TBCB: variants seen among roughly 807,000 people sequenced by gnomAD.
TBCB encodes tubulin-folding cofactor B.
TBCB carries 18 observed loss-of-function variants against 29.2 expected under a neutral mutation model. That is an observed-to-expected ratio of 0.62 (90% CI 0.43 to 0.91). The LOEUF is 0.91. Ranked by LOEUF, TBCB falls within the 40% of genes least tolerant of loss-of-function variation. TBCB has a pLI of 0.00. For missense variants in TBCB, 336 were observed against 337.6 expected (o/e 1.00, Z 0.04); for synonymous variants, 172 against 137.8 (o/e 1.25, Z -1.74).
At chr19:36,125,147 C>T (rs1974117022) in intron 4 of TBCB, among the ~76,000 whole-genome samples, 1 of 152,198 alleles carries the variant, frequency 6.6e-6, no homozygotes, top group South Asian at 2.1e-4. Flanking sequence ...TCTGAAGCCT[C>T]TCTCTCTGGC....
At chr19:36,120,673 A>G (rs1453439095) in intron 2 of TBCB, 37 bp from the exon 3 acceptor site, 1 of 1,604,596 alleles carries the variant, frequency 6.2e-7, no homozygotes, top group Non-Finnish European at 8.5e-7. Flanking sequence ...CTCCCTGGCC[A>G]GACCCTGATC....
chr19:36,122,558 G>A (rs1355278190), intron 4 of TBCB, among the ~76,000 whole-genome samples: 1 of 121,588 alleles, frequency 8.2e-6, no homozygotes, highest in Non-Finnish European at 1.6e-5. Flanking sequence ...AACATAATGA[G>A]ACCCTGTCTC....
At chr19:36,118,221 T>C (rs1243021376) in intron 2 of TBCB, among the ~76,000 whole-genome samples, 2 of 152,130 alleles carry the variant, frequency 1.3e-5, no homozygotes, top group African/African-American at 4.8e-5. Flanking sequence ...TCTGAGAAGT[T>C]CTAGTGTATG....
In TBCB at chr19:36,116,036, C is replaced by T. The variant is rs745392814; in HGVS notation, c.115-5C>T. ...CCTTCTTCTCACCCTGCCTCCTCCT[C>T]ACAGTGTAAACTGGAGTTGCTGGTG... On this transcript the variant is annotated splice_region_variant and splice_polypyrimidine_tract_variant and intron_variant, in intron 1 of 5. Coordinates refer to ENST00000221855, the MANE Select transcript of TBCB (RefSeq NM_001281.3). The T allele has an allele frequency of 1.9e-6, 3 of 1,613,160 alleles. No homozygotes were observed. The highest frequency in any genetic ancestry group is 3.3e-5 in the Admixed American group (2 of 59,978).
chr19:36,124,656 G>C (rs908266062), intron 4 of TBCB, among the ~76,000 whole-genome samples: 6 of 152,104 alleles, frequency 3.9e-5, no homozygotes, highest in African/African-American at 1.4e-4. Flanking sequence ...CGGTTCTCCT[G>C]CCTCAGCCTC....
Position 36,125,895 on chromosome 19 carries a change from T to C in TBCB, c.*113T>C. 1.3e-6 allele frequency: 1 copy of C among 780,464 alleles called. No homozygotes were observed. Among genetic ancestry groups the C allele is most frequent in the Non-Finnish European group, 1.9e-6 (1 of 531,834 alleles). The allele number at this position is 780,464 out of a possible 1,614,324, so 48.3% of individuals were successfully genotyped here. A position where few individuals can be genotyped will look rare whatever the true frequency, so the allele number is the denominator to read the frequency against. The stretch of plus-strand genomic sequence containing the variant: ...ATTTTAATTTTATTCATTTTTTCCT[T>C]TGCCATTGATTTTTGAGACTCATGC... On this transcript the variant is annotated 3_prime_UTR_variant, in exon 6 of 6. Coordinates refer to ENST00000221855, the MANE Select transcript of TBCB (RefSeq NM_001281.3).
Position 36,115,525 on chromosome 19 carries a change from T to TGGACCGCGCTGCA in TBCB, c.-33_-21dup, listed in dbSNP as rs1568380920. On this transcript the variant is annotated 5_prime_UTR_variant, in exon 1 of 6. Transcript: ENST00000221855. ...GGCTGCGGAGCGGGTGTGAGGCGGC[T>TGGACCGCGCTGCA]GGACCGCGCTGCAGGCATCCGCAGG... 6.5e-7 allele frequency: 1 copy of TGGACCGCGCTGCA among 1,529,542 alleles called. No homozygotes were observed. Among genetic ancestry groups the TGGACCGCGCTGCA allele is most frequent in the African/African-American group, 1.4e-5 (1 of 72,588 alleles). 94.7% of individuals were successfully genotyped at this position (1,529,542 alleles called of 1,614,324 possible).
chr19:36,117,495 C>T (rs1027520173), intron 2 of TBCB, among the ~76,000 whole-genome samples: 1 of 152,020 alleles, frequency 6.6e-6, no homozygotes, highest in South Asian at 2.1e-4. Context: ...CAGGTGTGCA[C>T]CACCACGCCT....
chr19:36,117,362 G>A (rs1206428972), intron 2 of TBCB, among the ~76,000 whole-genome samples: 2 of 152,090 alleles, frequency 1.3e-5, no homozygotes, highest in African/African-American at 4.8e-5. Context: ...TGTTTTGTTC[G>A]AGACAGAGTT....
chr19:36,119,893 CA>C (rs574254238), intron 2 of TBCB, among the ~76,000 whole-genome samples: 1,495 of 122,086 alleles, frequency 0.012, 6 homozygotes, highest in Non-Finnish European at 0.019. Flanking sequence ...GAGACTCCGT[CA>C]AAAAAAAAAA....
Position 36,120,796 on chromosome 19 carries a change from C to T in TBCB, c.345C>T (p.Asp115=). 2 of 1,613,880 alleles carry T rather than the reference C, an allele frequency of 1.2e-6. No individual in the cohort carries two copies. The highest frequency in any genetic ancestry group is 1.1e-5 in the South Asian group (1 of 91,064). The change falls in exon 3 of 6, where the codon GAC becomes GAT. Residue 115 remains aspartate, a synonymous_variant. Transcript: ENST00000221855. ...EKYTISQEAY[D]QRQDTVRSFL... is the part of the protein sequence containing the mutation. ...ACACGATCTCACAAGAAGCCTACGA[C>T]CAGAGGCAAGGTACGGGCAGGTGGG... is the stretch of plus-strand genomic sequence containing the variant.
Position 36,120,758 on chromosome 19 carries a change from C to T in TBCB, c.307C>T (p.Arg103Trp), listed in dbSNP as rs138428261. The change falls in exon 3 of 6, where the codon CGG becomes TGG. Residue 103 changes from arginine to tryptophan, a missense_variant. By Grantham distance (101) the Arg-to-Trp change is moderately radical. Coordinates refer to ENST00000221855, the MANE Select transcript of TBCB (RefSeq NM_001281.3). ...CCTTGGTGAGTATGAGGACGTGTCC[C>T]GGGTGGAGAAGTACACGATCTCACA... is the stretch of plus-strand genomic sequence containing the variant. ...ARLGEYEDVS[R>W]VEKYTISQEA... The T allele has an allele frequency of 4.3e-6, 7 of 1,613,900 alleles. No individual in the cohort carries two copies. Among genetic ancestry groups the T allele is most frequent in the South Asian group, 1.1e-5 (1 of 91,070 alleles).
rs749271575 is a variant in TBCB, at chr19:36,116,191, ACT to A, written c.258+12_258+13del. On this transcript the variant is annotated splice_region_variant and intron_variant, in intron 2 of 5. Transcript: ENST00000221855. ...TGACGGCTGCCGCATCCACGTGAGG[ACT>A]CTCTATCTGGGACACTCCCCCACCC... The A allele has an allele frequency of 1.2e-5, 19 of 1,612,980 alleles. No individual in the cohort carries two copies. The highest frequency in any genetic ancestry group is 1.6e-4 in the Middle Eastern group (1 of 6,080).
intron 2 of TBCB, 133 bp downstream of exon 2, chr19:36,116,317 C>A: frequency 8.3e-7 from 1 of 1,204,138 alleles, no homozygotes; most frequent in Non-Finnish European, 1.2e-6. Flanking sequence ...TGCAGCCTGA[C>A]GAGAGACAGA....
Position 36,121,737 on chromosome 19 carries a change from C to T in TBCB, c.547+19C>T, listed in dbSNP as rs1235710141. The T allele has an allele frequency of 6.5e-7, 1 of 1,547,304 alleles. No individual in the cohort carries two copies. The highest frequency in any genetic ancestry group is 2.4e-5 in the East Asian group (1 of 40,962). On this transcript the variant is annotated intron_variant, in intron 4 of 5. Transcript: ENST00000221855. ...TATGTAGGTGCGTGGCTCGCGGGCC[C>T]GGTCCCGGGCTCCAGGGCTCCAAGG...
intron 4 of TBCB, among the ~76,000 whole-genome samples, chr19:36,122,737 G>A (rs1490005057): frequency 1.4e-5 from 2 of 145,630 alleles, no homozygotes; most frequent in Admixed American, 1.4e-4. Flanking sequence ...CTGGGTGACA[G>A]AGGGAGACCC....
intron 1 of TBCB, 172 bp from the exon 2 acceptor site, chr19:36,115,869 G>A: frequency 8.6e-7 from 1 of 1,160,634 alleles, no homozygotes; most frequent in Non-Finnish European, 1.2e-6. Flanking sequence ...GCCGGGTCCA[G>A]CGAAAAATCC....
At position 36,120,790 on chromosome 19, in the gene TBCB, C is replaced by T; in HGVS notation, c.339C>T (p.Ala113=). 6.2e-7 allele frequency: 1 copy of T among 1,613,970 alleles called. No homozygotes were observed. The highest frequency in any genetic ancestry group is 8.5e-7 in the Non-Finnish European group (1 of 1,179,972). Residue 113 remains alanine (A), a synonymous_variant, in exon 3 of 6, where the codon GCC becomes GCT. Transcript: ENST00000221855. ...AGAAGTACACGATCTCACAAGAAGC[C>T]TACGACCAGAGGCAAGGTACGGGCA... ...RVEKYTISQE[A]YDQRQDTVRS...
intron 5 of TBCB, 63 bp downstream of exon 5, chr19:36,125,586 T>C (rs1310353973): frequency 1.9e-6 from 3 of 1,611,698 alleles, no homozygotes; most frequent in East Asian, 4.5e-5. Flanking sequence ...TGCGTGCTGC[T>C]TGCTGAGCTG....
Sources: allele counts gnomAD v4.1 joint callset (sites outside exome capture counted in the v4.1 genomes callset), GRCh38; gene constraint gnomAD v4.1.1; transcripts MANE v1.5; gene names NCBI Gene and HGNC (gene_info 2026-07-23, HGNC 2026-07-21).